Variants in DENND1A observed in about 807,000 individuals in gnomAD.
DENND1A encodes the protein DENN domain-containing protein 1A.
A neutral mutation model predicts 113.7 loss-of-function variants in DENND1A; 51 were observed. The ratio of observed to expected loss-of-function variants is 0.45; its 90% confidence interval spans 0.36 to 0.57. DENND1A has a LOEUF of 0.57. DENND1A is among the 20% of genes least tolerant of loss of function. DENND1A has a pLI of 0.00. For missense variants in DENND1A, 1,258 were observed against 1,395.9 expected (o/e 0.90, Z 1.57); for synonymous variants, 565 against 570.8 (o/e 0.99, Z 0.14).
At chr9:123,661,377 T>TTACACTGAAAATGAGTAC (rs1299184572) in intron 8 of DENND1A, among the ~76,000 whole-genome samples, 1 of 152,170 alleles carries the variant, frequency 6.6e-6, no homozygotes, top group Non-Finnish European at 1.5e-5. Flanking sequence ...CAATAAAGGC[T>TTACACTGAAAATGAGTAC]TACACTGAAA....
At chr9:123,794,851 T>G (rs1293532885) in intron 2 of DENND1A, among the ~76,000 whole-genome samples, 1 of 152,122 alleles carries the variant, frequency 6.6e-6, no homozygotes, top group Non-Finnish European at 1.5e-5. Context: ...TCAACCTATC[T>G]TAACACATTG....
intron 5 of DENND1A, among the ~76,000 whole-genome samples, chr9:123,747,527 A>G (rs7850520): frequency 0.42 from 64,539 of 152,030 alleles, 17,047 homozygotes; most frequent in African/African-American, 0.75. Flanking sequence ...TTGGTTTTGC[A>G]TAAGATCACT....
At chr9:123,452,098 G>T (rs973674626) in intron 17 of DENND1A, among the ~76,000 whole-genome samples, 178 bp downstream of exon 17, 1 of 151,856 alleles carries the variant, frequency 6.6e-6, no homozygotes, top group Non-Finnish European at 1.5e-5. Flanking sequence ...GGAGGCTGAG[G>T]TGGGAGGATT....
intron 9 of DENND1A, among the ~76,000 whole-genome samples, chr9:123,638,688 C>T (rs990766046): frequency 6.6e-6 from 1 of 151,956 alleles, no homozygotes; most frequent in African/African-American, 2.4e-5. Context: ...TCTCGATCTC[C>T]TGACCTCACA....
chr9:123,900,578 G>C (rs920388759), intron 1 of DENND1A, among the ~76,000 whole-genome samples: 1 of 152,204 alleles, frequency 6.6e-6, no homozygotes, highest in Non-Finnish European at 1.5e-5. Flanking sequence ...GTGTGATTAA[G>C]GTGAGAGGTG....
intron 4 of DENND1A, among the ~76,000 whole-genome samples, chr9:123,768,715 C>T (rs1314009864): frequency 1.3e-5 from 2 of 151,118 alleles, no homozygotes; most frequent in Admixed American, 1.3e-4. Flanking sequence ...AATGATTCAA[C>T]TGTAATGAAA....
intron 2 of DENND1A, among the ~76,000 whole-genome samples, chr9:123,796,768 C>T (rs1300798134): frequency 6.7e-6 from 1 of 150,006 alleles, no homozygotes. Context: ...CACACACACA[C>T]ACACACACAC....
At chr9:123,922,952 C>G (rs755440290) in intron 1 of DENND1A, among the ~76,000 whole-genome samples, 13 of 152,128 alleles carry the variant, frequency 8.5e-5, no homozygotes, top group African/African-American at 2.7e-4. Context: ...GTACGGATTC[C>G]AATAAAAGTA....
intron 2 of DENND1A, among the ~76,000 whole-genome samples, chr9:123,821,206 C>G (rs1838403551): frequency 6.6e-6 from 1 of 152,054 alleles, no homozygotes; most frequent in South Asian, 2.1e-4. Context: ...CATTTCATCT[C>G]AAATTCATCA....
At position 123,881,079 on chromosome 9, in the gene DENND1A, T is replaced by C. The variant is rs1454232572; in HGVS notation, c.18-2058A>G. ...ATGGGCTTTTGCTTTCAAGCGTCTG[T>C]AGCAAAGACCTGGCTGCTCTAAAAT... On this transcript the variant is annotated intron_variant, in intron 1 of 23. Transcript: ENST00000394215. 2.6e-5 allele frequency among the ~76,000 whole-genome samples: 4 copies of C among 152,302 alleles called. No individual in the cohort carries two copies. In the East Asian group the frequency reaches 5.8e-4, roughly 22 times the overall value.
At chr9:123,427,541 G>A (rs1040091660) in intron 19 of DENND1A, among the ~76,000 whole-genome samples, 1 of 152,162 alleles carries the variant, frequency 6.6e-6, no homozygotes, top group Non-Finnish European at 1.5e-5. Context: ...CTGGTGCCCT[G>A]GTTAATGTCT....
Position 123,473,614 on chromosome 9 carries a change from T to C in DENND1A, c.994-15717A>G, listed in dbSNP as rs149002075. On this transcript the variant is annotated intron_variant, in intron 13 of 23. Transcript: ENST00000394215. ...TTCATCTTGTAAAGTCATTCTTATC[T>C]GCCCTGGAACCACCCGTTCCTCTTG... Among the ~76,000 whole-genome samples the C allele has an allele frequency of 4.0e-3, 615 of 152,328 alleles. 7 individuals carry two copies. The highest frequency in any genetic ancestry group is 0.013 in the African/African-American group (558 of 41,564).
intron 21 of DENND1A, among the ~76,000 whole-genome samples, chr9:123,397,009 G>A (rs773026480): frequency 1.3e-5 from 2 of 152,112 alleles, no homozygotes; most frequent in African/African-American, 4.8e-5. Context: ...TGTGACCAAG[G>A]GCAGTGACAA....
At chr9:123,691,791 C>T (rs2065207113) in intron 5 of DENND1A, among the ~76,000 whole-genome samples, 1 of 152,058 alleles carries the variant, frequency 6.6e-6, no homozygotes. Flanking sequence ...ATTTTAAGAC[C>T]AATGTGGCTG....
At chr9:123,513,480 T>A (rs1257988644) in intron 13 of DENND1A, among the ~76,000 whole-genome samples, 3 of 152,228 alleles carry the variant, frequency 2.0e-5, no homozygotes, top group Admixed American at 2.0e-4. Flanking sequence ...ATCCTTTAAT[T>A]TTCTCAGTTG....
At chr9:123,682,297 GCAGTGCC>G (rs1321250767) in intron 5 of DENND1A, among the ~76,000 whole-genome samples, 2 of 152,310 alleles carry the variant, frequency 1.3e-5, no homozygotes, top group East Asian at 3.9e-4. Flanking sequence ...ATACAATGAA[GCAGTGCC>G]TCCCGGGGGA....
intron 11 of DENND1A, among the ~76,000 whole-genome samples, chr9:123,589,078 T>G (rs2059337222): frequency 6.6e-6 from 1 of 152,094 alleles, no homozygotes. Context: ...TTGAAATAAT[T>G]CTTAACACTT....
chr9:123,840,667 T>C (rs939038142), intron 2 of DENND1A, among the ~76,000 whole-genome samples: 6 of 151,660 alleles, frequency 4.0e-5, no homozygotes, highest in African/African-American at 1.2e-4. Flanking sequence ...AATCAAAGAG[T>C]CGCCATTATT....
At chr9:123,573,129 CTT>C (rs977791969) in intron 12 of DENND1A, among the ~76,000 whole-genome samples, 13 of 151,996 alleles carry the variant, frequency 8.6e-5, no homozygotes, top group Admixed American at 2.6e-4. Flanking sequence ...ATTCTGGACT[CTT>C]AATTTTGTTC....
Sources: gnomAD v4.1 joint callset for allele counts (sites outside exome capture counted in the v4.1 genomes callset) on GRCh38, gnomAD v4.1.1 for gene constraint, MANE v1.5 for transcripts, NCBI Gene and HGNC (gene_info 2026-07-23, HGNC 2026-07-21) for gene names.